Variants in NRXN3 observed in about 807,000 individuals in gnomAD.
NRXN3 encodes the protein neurexin 3, also known as neurexin III.
Under a neutral mutation model 137.6 loss-of-function variants are expected in NRXN3, and 32 were observed. The observed-to-expected ratio is 0.23, with a 90% CI of 0.18 to 0.31. The LOEUF (loss-of-function observed/expected upper bound fraction) is 0.31. Among genes scored for constraint, NRXN3 ranks in the 10% least tolerant of loss-of-function variants. The pLI, the probability that NRXN3 is intolerant of heterozygous loss-of-function variation, is 1.00. For synonymous variants in NRXN3, 798 were observed against 784.5 expected, an observed-to-expected ratio of 1.02 and a Z score of -0.29; for missense variants, 1,574 against 2,062.5, an observed-to-expected ratio of 0.76 and a Z score of 4.59.
intron 20 of NRXN3, among the ~76,000 whole-genome samples, chr14:79,827,345 G>A (rs2099307772): frequency 6.6e-6 from 1 of 152,014 alleles, no homozygotes; most frequent in African/African-American, 2.4e-5. Context: ...CTAAGAGGAA[G>A]AAAAAATGCA....
At chr14:79,848,348 G>C (rs2099384643) in intron 20 of NRXN3, among the ~76,000 whole-genome samples, 1 of 152,170 alleles carries the variant, frequency 6.6e-6, no homozygotes, top group Admixed American at 6.5e-5. Flanking sequence ...ATTAGACCAA[G>C]CTTGTCCTAC....
At chr14:78,714,406 C>T (rs932280138) in intron 7 of NRXN3, among the ~76,000 whole-genome samples, 23 of 152,272 alleles carry the variant, frequency 1.5e-4, no homozygotes, top group African/African-American at 3.4e-4. Context: ...CACTTCTTCA[C>T]GGTTATACAG....
At chr14:79,812,509 G>C (rs2099237757) in intron 20 of NRXN3, among the ~76,000 whole-genome samples, 1 of 134,732 alleles carries the variant, frequency 7.4e-6, no homozygotes, top group African/African-American at 2.6e-5. Context: ...TCAGGGATAT[G>C]CAAGAAAAAA....
At chr14:78,980,807 T>C (rs2099487365) in intron 14 of NRXN3, among the ~76,000 whole-genome samples, 1 of 152,178 alleles carries the variant, frequency 6.6e-6, no homozygotes, top group African/African-American at 2.4e-5. Context: ...TCTTATTCAG[T>C]CTTTCCAGAC....
chr14:79,288,637 G>A (rs1345481333), intron 15 of NRXN3, among the ~76,000 whole-genome samples: 1 of 152,100 alleles, frequency 6.6e-6, no homozygotes, highest in Admixed American at 6.5e-5. Flanking sequence ...GAAAACTCTT[G>A]GTCTTTCTGC....
chr14:78,253,675 G>GA (rs558851611), intron 2 of NRXN3, among the ~76,000 whole-genome samples: 56 of 149,830 alleles, frequency 3.7e-4, no homozygotes, highest in African/African-American at 1.3e-3. Context: ...ACCCATCTCA[G>GA]AAAAAAAAAG....
chr14:79,415,898 G>C (rs1009124067), intron 15 of NRXN3, among the ~76,000 whole-genome samples: 60 of 152,038 alleles, frequency 3.9e-4, no homozygotes, highest in Admixed American at 3.9e-4. Context: ...TACTGAATTG[G>C]AATCTGCATT....
At position 79,603,004 on chromosome 14, in the gene NRXN3, C is replaced by T. The variant is rs368186954; in HGVS notation, c.3445-60774C>T. Among the ~76,000 whole-genome samples, 159 of 152,266 alleles carry T rather than the reference C, an allele frequency of 1.0e-3. 3 individuals are homozygous for T. The South Asian group carries it at 0.031, about 30-fold the overall frequency. On this transcript the variant is annotated intron_variant, in intron 16 of 20. Coordinates refer to ENST00000335750, the MANE Select transcript of NRXN3 (RefSeq NM_001330195.2). ...TCTGAAGGCAAATCTTGACTCATCT[C>T]TCACCTCTCAACTGATCAACCAGTA...
At chr14:78,300,813 A>G (rs1295111523) in intron 4 of NRXN3, 3 of 672,256 alleles carry the variant, frequency 4.5e-6, no homozygotes, top group Non-Finnish European at 7.5e-6. Context: ...TTTAACAACA[A>G]CTGAAAAATA....
intron 19 of NRXN3, among the ~76,000 whole-genome samples, chr14:79,774,892 C>G (rs2099091762): frequency 2.0e-5 from 3 of 151,926 alleles, no homozygotes; most frequent in Admixed American, 2.0e-4. Flanking sequence ...AGATTTATGT[C>G]ATACTATTGA....
intron 10 of NRXN3, among the ~76,000 whole-genome samples, chr14:78,857,114 A>C (rs1195323335): frequency 1.3e-5 from 2 of 152,116 alleles, no homozygotes; most frequent in Non-Finnish European, 2.9e-5. Flanking sequence ...ATCAAGTATA[A>C]AACTCTTCAG....
chr14:78,610,759 G>T (rs1046688492), intron 4 of NRXN3, among the ~76,000 whole-genome samples: 47 of 152,162 alleles, frequency 3.1e-4, no homozygotes, highest in African/African-American at 1.1e-3. Flanking sequence ...GAAACCATGG[G>T]GGGCAGGTGT....
intron 15 of NRXN3, among the ~76,000 whole-genome samples, chr14:79,027,493 G>A (rs770506961): frequency 6.6e-6 from 1 of 152,138 alleles, no homozygotes; most frequent in Non-Finnish European, 1.5e-5. Context: ...CTGTTACTTC[G>A]AGTTGCTAGT....
At chr14:79,003,358 G>A (rs1433470923) in intron 15 of NRXN3, among the ~76,000 whole-genome samples, 2 of 152,114 alleles carry the variant, frequency 1.3e-5, no homozygotes, top group Non-Finnish European at 2.9e-5. Context: ...TCTTAACTTT[G>A]TAGATATTAA....
chr14:78,488,750 A>G (rs1461956744), intron 4 of NRXN3, among the ~76,000 whole-genome samples: 2 of 150,346 alleles, frequency 1.3e-5, no homozygotes, highest in Admixed American at 1.3e-4. Flanking sequence ...AAGGAGAAAG[A>G]AAGGAGGAGG....
rs367881273 is a variant in NRXN3, at chr14:78,561,017, A to G, written c.758-84103A>G. 9.1e-4 allele frequency among the ~76,000 whole-genome samples: 138 copies of G among 152,290 alleles called. 1 individual carries two copies. In the South Asian group the frequency reaches 0.028, roughly 31 times the overall value. Reference sequence around the variant, plus strand: ...ATGCTGCAGTAATACATTACTTCCCAAATTTTAGTGACTTAGAACAGCATA... The same window carrying G: ...ATGCTGCAGTAATACATTACTTCCCGAATTTTAGTGACTTAGAACAGCATA... On this transcript the variant is annotated intron_variant, in intron 4 of 20. Transcript: ENST00000335750.
At chr14:79,196,218 C>T (rs1286553097) in intron 15 of NRXN3, among the ~76,000 whole-genome samples, 2 of 152,164 alleles carry the variant, frequency 1.3e-5, no homozygotes, top group African/African-American at 4.8e-5. Context: ...ATGTGTTTTT[C>T]ACAGGCATCA....
chr14:79,578,968 A>G (rs889548177), intron 16 of NRXN3, among the ~76,000 whole-genome samples: 96 of 152,192 alleles, frequency 6.3e-4, no homozygotes, highest in African/African-American at 2.2e-3. Context: ...TATTTTCAGT[A>G]ATAATTATTT....
intron 15 of NRXN3, among the ~76,000 whole-genome samples, chr14:79,110,889 C>T (rs1470818072): frequency 6.6e-6 from 1 of 151,988 alleles, no homozygotes; most frequent in Non-Finnish European, 1.5e-5. Flanking sequence ...CTCCCAGGTT[C>T]ATGCCATTCT....
Sources: allele counts gnomAD v4.1 joint callset (sites outside exome capture counted in the v4.1 genomes callset), GRCh38; gene constraint gnomAD v4.1.1; transcripts MANE v1.5; gene names NCBI Gene and HGNC (gene_info 2026-07-23, HGNC 2026-07-21).